Variants in DNAH14 observed in about 807,000 individuals in gnomAD.
DNAH14 encodes the protein dynein axonemal heavy chain 14.
Under a neutral mutation model 520.9 loss-of-function variants are expected in DNAH14, and 478 were observed. The observed-to-expected ratio is 0.92, with a 90% CI of 0.85 to 0.99. The LOEUF is 0.99. Among genes scored for constraint, DNAH14 ranks in the 50% least tolerant of loss-of-function variants. The probability of loss-of-function intolerance (pLI) is 0.00; values close to 1 mark genes in which losing one functional copy is unlikely to be tolerated. For synonymous variants in DNAH14, 1,581 were observed against 1,757.2 expected (o/e 0.90, Z 2.51); for missense variants, 4,831 against 5,234.5 (o/e 0.92, Z 2.38).
intron 8 of DNAH14, among the ~76,000 whole-genome samples, chr1:224,987,308 A>C (rs1017847887): frequency 1.2e-4 from 18 of 152,304 alleles, no homozygotes; most frequent in African/African-American, 4.3e-4. Context: ...GGAGAAAGCC[A>C]GTGTCTCAGC....
chr1:224,987,934 G>A lies in DNAH14; in HGVS notation c.830+13781G>A, dbSNP rs2062760429. ...AGCTAAGTTCTGGGGTACATGTGCA[G>A]GACGTGCAGGTTTGTTACATAGGTA... On this transcript the variant is annotated intron_variant, in intron 8 of 85. Transcript: ENST00000682510. 2.0e-5 allele frequency among the ~76,000 whole-genome samples: 3 copies of A among 152,106 alleles called. No homozygotes were observed. The South Asian group carries it at 6.2e-4, about 32-fold the overall frequency.
At chr1:225,288,721 G>A (rs924088297) in intron 54 of DNAH14, among the ~76,000 whole-genome samples, 46 of 152,110 alleles carry the variant, frequency 3.0e-4, no homozygotes, top group African/African-American at 1.1e-3. Context: ...AAAGATGTTC[G>A]GCTTCATTAG....
At chr1:225,067,626 C>T (rs1188420578) in intron 17 of DNAH14, among the ~76,000 whole-genome samples, 3 of 152,086 alleles carry the variant, frequency 2.0e-5, no homozygotes, top group East Asian at 1.9e-4. Flanking sequence ...TCACCAGCAT[C>T]GGTTATTTTT....
chr1:225,172,679 C>G (rs1162348880), intron 36 of DNAH14, among the ~76,000 whole-genome samples: 2 of 152,174 alleles, frequency 1.3e-5, no homozygotes, highest in Non-Finnish European at 2.9e-5. Flanking sequence ...GTGCAAATGG[C>G]CATACTGCCC....
intron 35 of DNAH14, among the ~76,000 whole-genome samples, chr1:225,164,466 C>A (rs1409236936): frequency 6.6e-6 from 1 of 152,044 alleles, no homozygotes; most frequent in Non-Finnish European, 1.5e-5. Flanking sequence ...CTGTGATTAT[C>A]TGTCCTGTAT....
intron 54 of DNAH14, among the ~76,000 whole-genome samples, chr1:225,279,859 C>T (rs945159628): frequency 2.7e-5 from 4 of 150,714 alleles, no homozygotes; most frequent in Non-Finnish European, 3.0e-5. Context: ...GGCAGATATC[C>T]GAAATACAGC....
At chr1:225,012,936 T>C (rs2064912002) in intron 10 of DNAH14, among the ~76,000 whole-genome samples, 1 of 152,178 alleles carries the variant, frequency 6.6e-6, no homozygotes, top group Non-Finnish European at 1.5e-5. Context: ...GAGTTTGTTA[T>C]TACCCACCTT....
At chr1:224,954,810 A>G (rs543915292) in intron 2 of DNAH14, 149 bp from the exon 3 acceptor site, 65 of 589,028 alleles carry the variant, frequency 1.1e-4, no homozygotes, top group South Asian at 1.1e-3. Flanking sequence ...TAATCTTTCA[A>G]TTATGGAGCA....
At chr1:225,213,454 G>A (rs1333077296) in intron 41 of DNAH14, among the ~76,000 whole-genome samples, 2 of 152,166 alleles carry the variant, frequency 1.3e-5, no homozygotes, top group East Asian at 3.8e-4. Flanking sequence ...AAAGTGATTG[G>A]TAGCTTGAAG....
intron 81 of DNAH14, among the ~76,000 whole-genome samples, chr1:225,384,230 A>C (rs570971824): frequency 1.1e-4 from 17 of 152,246 alleles, no homozygotes; most frequent in African/African-American, 3.6e-4. Context: ...TGGGGTGGAG[A>C]GTTCTGTAGA....
At chr1:225,311,015 A>T (rs2094353374) in intron 60 of DNAH14, among the ~76,000 whole-genome samples, 1 of 152,168 alleles carries the variant, frequency 6.6e-6, no homozygotes, top group Non-Finnish European at 1.5e-5. Flanking sequence ...TCCTTAAGGA[A>T]TTCCCACACT....
Position 225,192,628 on chromosome 1 carries a change from G to C in DNAH14, c.5671-68G>C. On this transcript the variant is annotated intron_variant, in intron 37 of 85. Transcript: ENST00000682510. ...TTCTCCTATAACCTTTTAATAATAA[G>C]AATGCAAATAAACTAAATAATTGGT... 2.7e-6 allele frequency: 3 copies of C among 1,120,528 alleles called. No individual in the cohort carries two copies. In the South Asian group the frequency reaches 4.9e-5, roughly 18 times the overall value. 69.4% of individuals were successfully genotyped at this position (1,120,528 alleles called of 1,614,324 possible).
rs1244941894 is a variant in DNAH14 at position 225,152,696 on chromosome 1, G to A, written c.5010-1G>A. On this transcript the variant is annotated splice_acceptor_variant, in intron 32 of 85. Coordinates refer to ENST00000682510, the MANE Select transcript of DNAH14 (RefSeq NM_001367479.1). LOFTEE classifies it high-confidence loss of function. ...TTGTTTGTTTTTCTTTTCCTCTTCA[G>A]ATACGGAGGTGGAGTAGAGCTCCCA... 6.5e-7 allele frequency: 1 copy of A among 1,531,502 alleles called. No homozygotes were observed. The highest frequency in any genetic ancestry group is 8.8e-7 in the Non-Finnish European group (1 of 1,139,466). 94.9% of individuals were successfully genotyped at this position (1,531,502 alleles called of 1,614,324 possible). A position where few individuals can be genotyped will look rare whatever the true frequency, so the allele number is the denominator to read the frequency against.
chr1:225,014,864 A>G (rs1175019299), intron 10 of DNAH14, among the ~76,000 whole-genome samples: 1 of 152,190 alleles, frequency 6.6e-6, no homozygotes, highest in Admixed American at 6.5e-5. Context: ...GCTTCTGTCT[A>G]GATTATCTAT....
intron 21 of DNAH14, among the ~76,000 whole-genome samples, chr1:225,089,287 T>C (rs1384307709): frequency 1.3e-5 from 2 of 151,500 alleles, no homozygotes; most frequent in African/African-American, 2.4e-5. Flanking sequence ...CTACTAAAAA[T>C]ACAAAAATTA....
chr1:225,247,527 C>G (rs1040871344), intron 43 of DNAH14, among the ~76,000 whole-genome samples: 1 of 152,042 alleles, frequency 6.6e-6, no homozygotes, highest in Non-Finnish European at 1.5e-5. Flanking sequence ...GAGGATCTGC[C>G]AAGAGATTTC....
At chr1:225,334,790 G>T (rs959330837) in intron 66 of DNAH14, among the ~76,000 whole-genome samples, 1 of 151,704 alleles carries the variant, frequency 6.6e-6, no homozygotes, top group Non-Finnish European at 1.5e-5. Context: ...GATCGCTTGA[G>T]CCCAGGAGGT....
chr1:225,125,929 G>A (rs6697382), intron 27 of DNAH14, among the ~76,000 whole-genome samples: 39,029 of 152,028 alleles, frequency 0.26, 7,678 homozygotes, highest in African/African-American at 0.55. Context: ...TAAGGTTATT[G>A]GTTGGCCTAA....
At chr1:225,343,526 G>C (rs2095235111) in intron 69 of DNAH14, among the ~76,000 whole-genome samples, 2 of 151,960 alleles carry the variant, frequency 1.3e-5, no homozygotes, top group Admixed American at 1.3e-4. Context: ...ATTTTTAAGA[G>C]AAATAAAGTC....
Sources: gnomAD v4.1 joint callset for allele counts (sites outside exome capture counted in the v4.1 genomes callset) on GRCh38, gnomAD v4.1.1 for gene constraint, MANE v1.5 for transcripts, NCBI Gene and HGNC (gene_info 2026-07-23, HGNC 2026-07-21) for gene names.